Variants in CNTNAP5 observed in about 807,000 individuals in gnomAD.
The protein encoded by CNTNAP5 is contactin-associated protein-like 5.
CNTNAP5 carries 72 observed loss-of-function variants against 150.2 expected under a neutral mutation model. The ratio of observed to expected loss-of-function variants is 0.48; its 90% confidence interval spans 0.40 to 0.58. CNTNAP5 has a LOEUF of 0.58. Ranked by LOEUF, CNTNAP5 falls within the 20% of genes least tolerant of loss-of-function variation. The pLI is 0.00. For synonymous variants in CNTNAP5, 672 were observed against 619.8 expected (o/e 1.08, Z -1.25); for missense variants, 1,636 against 1,626.2 (o/e 1.01, Z -0.10).
At chr2:124,783,031 G>A (rs1050554050) in intron 17 of CNTNAP5, among the ~76,000 whole-genome samples, 4 of 152,130 alleles carry the variant, frequency 2.6e-5, no homozygotes, top group Non-Finnish European at 4.4e-5. Flanking sequence ...GGTCAAAATA[G>A]TACATGCAAT....
At chr2:124,774,874 AG>A (rs1681286141) in intron 17 of CNTNAP5, among the ~76,000 whole-genome samples, 2 of 152,208 alleles carry the variant, frequency 1.3e-5, no homozygotes, top group South Asian at 4.1e-4. Flanking sequence ...CAAAAGGGAA[AG>A]GCGGCAGCTG....
rs549818848 is a variant in CNTNAP5, at chr2:124,910,162, A to C, written c.3656-1305A>C. 1.4e-4 allele frequency among the ~76,000 whole-genome samples: 22 copies of C among 152,024 alleles called. No individual in the cohort carries two copies. In the East Asian group the frequency reaches 4.3e-3, roughly 30 times the overall value. ...CTCCCTTCACTTGAAGACACAATAA[A>C]TACTTACCAAACATCTTTCACGTGT... On this transcript the variant is annotated intron_variant, in intron 22 of 23. Coordinates refer to ENST00000682447, the MANE Select transcript of CNTNAP5 (RefSeq NM_001367498.1).
Position 124,918,961 on chromosome 2 carries a change from T to A in CNTNAP5, c.*4673T>A, listed in dbSNP as rs1018564966. 6.6e-6 allele frequency among the ~76,000 whole-genome samples: 1 copy of A among 152,126 alleles called. No homozygotes were observed. The highest frequency in any genetic ancestry group is 2.4e-5 in the African/African-American group (1 of 41,454). On this transcript the variant is annotated 3_prime_UTR_variant, in exon 24 of 24. Coordinates refer to ENST00000682447, the MANE Select transcript of CNTNAP5 (RefSeq NM_001367498.1). ...AAATACACATAATGTAATTGAATTA[T>A]TTCTATATACTGTTCTTGAGTCTTT...
chr2:124,655,456 C>T (rs529784527), intron 13 of CNTNAP5, among the ~76,000 whole-genome samples: 82 of 151,844 alleles, frequency 5.4e-4, no homozygotes, highest in African/African-American at 1.8e-3. Flanking sequence ...AATAAACGTA[C>T]GTGTGCATGT....
At chr2:124,874,893 G>A (rs1361848894) in intron 21 of CNTNAP5, among the ~76,000 whole-genome samples, 5 of 151,882 alleles carry the variant, frequency 3.3e-5, no homozygotes, top group Admixed American at 6.6e-5. Context: ...GCTCACACCT[G>A]ACAGAGGCAT....
chr2:124,515,502 T>C (rs893485697), intron 8 of CNTNAP5, among the ~76,000 whole-genome samples: 2 of 150,110 alleles, frequency 1.3e-5, no homozygotes, highest in Admixed American at 6.7e-5. Flanking sequence ...TTCATTCGTT[T>C]CCTGATTTAT....
chr2:124,701,665 C>A (rs928109043), intron 13 of CNTNAP5, among the ~76,000 whole-genome samples: 2 of 152,064 alleles, frequency 1.3e-5, no homozygotes, highest in Non-Finnish European at 2.9e-5. Context: ...CTATCCACAC[C>A]CTTGCCAACA....
At chr2:124,655,019 C>T (rs1055623575) in intron 13 of CNTNAP5, among the ~76,000 whole-genome samples, 27 of 151,678 alleles carry the variant, frequency 1.8e-4, no homozygotes, top group African/African-American at 5.8e-4. Flanking sequence ...GATACATGTG[C>T]AGAATGTGCA....
chr2:124,501,648 T>C (rs1694281941), intron 7 of CNTNAP5, among the ~76,000 whole-genome samples: 1 of 152,202 alleles, frequency 6.6e-6, no homozygotes, highest in Non-Finnish European at 1.5e-5. Flanking sequence ...TACATGCAGT[T>C]CATTTTTCTT....
intron 3 of CNTNAP5, among the ~76,000 whole-genome samples, chr2:124,406,852 C>G (rs1305236857): frequency 6.6e-6 from 1 of 152,138 alleles, no homozygotes. Flanking sequence ...TCATCCCAAC[C>G]TCACATATAC....
chr2:124,309,038 C>G (rs1473647405), intron 3 of CNTNAP5, among the ~76,000 whole-genome samples: 1 of 152,138 alleles, frequency 6.6e-6, no homozygotes, highest in Non-Finnish European at 1.5e-5. Context: ...AGACCAAACC[C>G]TATATATGTT....
intron 19 of CNTNAP5, among the ~76,000 whole-genome samples, chr2:124,847,242 G>A (rs1683067428): frequency 6.6e-6 from 1 of 152,134 alleles, no homozygotes; most frequent in Non-Finnish European, 1.5e-5. Flanking sequence ...CCAGGTAGGG[G>A]CAGGGCTTTC....
intron 11 of CNTNAP5, among the ~76,000 whole-genome samples, chr2:124,576,073 C>T (rs1196456678): frequency 1.3e-5 from 2 of 152,136 alleles, no homozygotes; most frequent in Non-Finnish European, 2.9e-5. Flanking sequence ...AATGATTCTT[C>T]ACTTGGCATA....
chr2:124,565,404 G>A (rs1211025774), intron 11 of CNTNAP5, among the ~76,000 whole-genome samples: 1 of 151,960 alleles, frequency 6.6e-6, no homozygotes, highest in Non-Finnish European at 1.5e-5. Flanking sequence ...TTTCTATGAA[G>A]TGATTATTAT....
intron 3 of CNTNAP5, among the ~76,000 whole-genome samples, chr2:124,383,973 C>T (rs992685456): frequency 3.9e-5 from 6 of 152,156 alleles, no homozygotes; most frequent in Non-Finnish European, 8.8e-5. Context: ...TGGAGTTTTT[C>T]ACATTTCATT....
chr2:124,516,763 T>A (rs1694727985), intron 8 of CNTNAP5, among the ~76,000 whole-genome samples: 1 of 152,220 alleles, frequency 6.6e-6, no homozygotes, highest in Non-Finnish European at 1.5e-5. Context: ...TCTTGCTTTT[T>A]ATTTTGTCTT....
intron 11 of CNTNAP5, among the ~76,000 whole-genome samples, chr2:124,609,461 C>T (rs1677327521): frequency 6.6e-6 from 1 of 151,948 alleles, no homozygotes; most frequent in Admixed American, 6.6e-5. Flanking sequence ...AGGGTGGTGG[C>T]TCACACCTAT....
chr2:124,212,099 C>A (rs1179231945), intron 1 of CNTNAP5, among the ~76,000 whole-genome samples: 3 of 152,158 alleles, frequency 2.0e-5, no homozygotes, highest in African/African-American at 4.8e-5. Context: ...TAGTTGCCTC[C>A]TTTCCCTCAT....
Position 124,123,255 on chromosome 2 carries a change from C to A in CNTNAP5, c.82+97523C>A, listed in dbSNP as rs1031863333. Among the ~76,000 whole-genome samples, 9 of 152,150 alleles carry A rather than the reference C, an allele frequency of 5.9e-5. No individual in the cohort carries two copies. The South Asian group carries it at 6.2e-4, about 11-fold the overall frequency. On this transcript the variant is annotated intron_variant, in intron 1 of 23. Transcript: ENST00000682447. ...CAAATGGCACACCAGGAGATTATAT[C>A]CCATGCCTGGCTCGGAGGGTCCCAC... is the stretch of plus-strand genomic sequence containing the variant.
Sources: gnomAD v4.1 joint callset for allele counts (sites outside exome capture counted in the v4.1 genomes callset) on GRCh38, gnomAD v4.1.1 for gene constraint, MANE v1.5 for transcripts, NCBI Gene and HGNC (gene_info 2026-07-23, HGNC 2026-07-21) for gene names.